KCNH8: variants seen among roughly 807,000 people sequenced by gnomAD.
KCNH8 encodes the protein voltage-gated delayed rectifier potassium channel KCNH8.
A neutral mutation model predicts 103.6 loss-of-function variants in KCNH8; 70 were observed. That is an observed-to-expected ratio of 0.68 (90% CI 0.56 to 0.82). The LOEUF is 0.82. KCNH8 is among the 40% of genes least tolerant of loss of function. The pLI is 0.00. For missense variants in KCNH8, 1,217 were observed against 1,329.9 expected (o/e 0.92, Z 1.32); for synonymous variants, 498 against 489.4 (o/e 1.02, Z -0.23).
At chr3:19,151,076 A>G (rs904998649) in intron 1 of KCNH8, among the ~76,000 whole-genome samples, 1 of 152,032 alleles carries the variant, frequency 6.6e-6, no homozygotes, top group African/African-American at 2.4e-5. Context: ...AATACCTTAA[A>G]CAAAATTTTA....
chr3:19,411,759 G>A (rs546747424), intron 7 of KCNH8, among the ~76,000 whole-genome samples: 35 of 150,190 alleles, frequency 2.3e-4, no homozygotes, highest in African/African-American at 7.8e-4. Context: ...CCCATTAACC[G>A]TAGCCACACA....
intron 1 of KCNH8, among the ~76,000 whole-genome samples, chr3:19,209,510 T>C (rs2063748834): frequency 6.6e-6 from 1 of 152,086 alleles, no homozygotes; most frequent in Non-Finnish European, 1.5e-5. Flanking sequence ...GGGATTTTCG[T>C]AGGGTTTCTA....
At chr3:19,343,291 T>G (rs2065686119) in intron 4 of KCNH8, among the ~76,000 whole-genome samples, 1 of 151,868 alleles carries the variant, frequency 6.6e-6, no homozygotes, top group South Asian at 2.1e-4. Flanking sequence ...TACAATAGAG[T>G]TGCTTTCTGA....
intron 11 of KCNH8, among the ~76,000 whole-genome samples, chr3:19,493,067 T>C (rs1487113022): frequency 3.3e-5 from 5 of 151,920 alleles, no homozygotes; most frequent in Non-Finnish European, 5.9e-5. Flanking sequence ...TTTTTGTACA[T>C]TGATTTTTGT....
At chr3:19,329,219 T>C (rs956139554) in intron 3 of KCNH8, among the ~76,000 whole-genome samples, 3 of 152,218 alleles carry the variant, frequency 2.0e-5, no homozygotes, top group African/African-American at 7.2e-5. Context: ...CTTGCAGCTC[T>C]TGTAAATGCT....
chr3:19,326,356 A>AATATATATATATATAT lies in KCNH8; in HGVS notation c.443-16219_443-16204dup, dbSNP rs34714826. 2.5e-3 allele frequency among the ~76,000 whole-genome samples: 333 copies of AATATATATATATATAT among 135,714 alleles called. 5 individuals carry two copies. The highest frequency in any genetic ancestry group is 8.1e-3 in the African/African-American group (292 of 35,890). The allele number at this position is 135,714 out of a possible 152,430, so 89.0% of individuals were successfully genotyped here. A position where few individuals can be genotyped will look rare whatever the true frequency, so the allele number is the denominator to read the frequency against. ...ACCCCTGAACTTACAATGAAAGTTA[A>AATATATATATATATAT]ATATATATATATATATATATATATA... is the stretch of plus-strand genomic sequence containing the variant. On this transcript the variant is annotated intron_variant, in intron 3 of 15. Transcript: ENST00000328405.
At chr3:19,229,762 C>G (rs1019320434) in intron 1 of KCNH8, among the ~76,000 whole-genome samples, 3 of 152,190 alleles carry the variant, frequency 2.0e-5, no homozygotes, top group Non-Finnish European at 4.4e-5. Flanking sequence ...ATACAAGTCT[C>G]TAGGAAGTTC....
chr3:19,282,530 A>C (rs1399466429), intron 3 of KCNH8, among the ~76,000 whole-genome samples: 1 of 152,206 alleles, frequency 6.6e-6, no homozygotes, highest in Non-Finnish European at 1.5e-5. Context: ...GTACATTCAC[A>C]AATATGTGTG....
At chr3:19,312,427 T>C (rs1335269217) in intron 3 of KCNH8, among the ~76,000 whole-genome samples, 1 of 151,904 alleles carries the variant, frequency 6.6e-6, no homozygotes, top group Non-Finnish European at 1.5e-5. Flanking sequence ...CCGTATAAGC[T>C]TGGGTAGTCC....
intron 11 of KCNH8, among the ~76,000 whole-genome samples, chr3:19,499,810 A>G (rs541736288): frequency 6.6e-6 from 1 of 151,820 alleles, no homozygotes; most frequent in Non-Finnish European, 1.5e-5. Flanking sequence ...GGAAAGAAAC[A>G]ACCGGTACCA....
chr3:19,486,860 T>A (rs1021268570), intron 11 of KCNH8, among the ~76,000 whole-genome samples: 2 of 152,198 alleles, frequency 1.3e-5, no homozygotes, highest in Non-Finnish European at 2.9e-5. Flanking sequence ...GATGACCTGC[T>A]TTCTTCCTGA....
intron 3 of KCNH8, among the ~76,000 whole-genome samples, chr3:19,341,592 C>T (rs946868121): frequency 1.3e-5 from 2 of 152,066 alleles, no homozygotes; most frequent in Non-Finnish European, 1.5e-5. Context: ...CCATTACTTT[C>T]GTATACAAAG....
At chr3:19,374,505 C>G (rs545636658) in intron 5 of KCNH8, among the ~76,000 whole-genome samples, 19 of 152,146 alleles carry the variant, frequency 1.2e-4, no homozygotes, top group Non-Finnish European at 2.4e-4. Context: ...AGTCTCTGCA[C>G]GTGAGATGGG....
At chr3:19,218,396 C>A (rs1414199145) in intron 1 of KCNH8, among the ~76,000 whole-genome samples, 1 of 152,198 alleles carries the variant, frequency 6.6e-6, no homozygotes, top group East Asian at 1.9e-4. Context: ...GCTTTCTTTG[C>A]TATACATGCT....
intron 3 of KCNH8, among the ~76,000 whole-genome samples, chr3:19,332,336 A>G (rs565733395): frequency 1.8e-4 from 28 of 152,294 alleles, no homozygotes; most frequent in Admixed American, 1.0e-3. Flanking sequence ...TAATGGAATA[A>G]TGCAATGTGT....
chr3:19,171,516 G>A (rs1192039849), intron 1 of KCNH8, among the ~76,000 whole-genome samples: 1 of 152,124 alleles, frequency 6.6e-6, no homozygotes, highest in African/African-American at 2.4e-5. Flanking sequence ...CATGGTGGAA[G>A]TATGTGGCTT....
intron 7 of KCNH8, among the ~76,000 whole-genome samples, chr3:19,411,023 A>C (rs923531921): frequency 6.6e-6 from 1 of 152,032 alleles, no homozygotes. Flanking sequence ...CTATGAATCT[A>C]GCACACCCTA....
chr3:19,369,099 T>A (rs1208622774), intron 5 of KCNH8, among the ~76,000 whole-genome samples: 1 of 152,012 alleles, frequency 6.6e-6, no homozygotes, highest in Non-Finnish European at 1.5e-5. Flanking sequence ...CTTTGTTTTT[T>A]AAAGGAAATA....
chr3:19,455,352 G>GT (rs1559335480), intron 10 of KCNH8, among the ~76,000 whole-genome samples: 1 of 152,054 alleles, frequency 6.6e-6, no homozygotes, highest in African/African-American at 2.4e-5. Context: ...ATAACTAAAC[G>GT]TAAGTTATAG....
Sources: allele counts gnomAD v4.1 joint callset (sites outside exome capture counted in the v4.1 genomes callset), GRCh38; gene constraint gnomAD v4.1.1; transcripts MANE v1.5; gene names NCBI Gene and HGNC (gene_info 2026-07-23, HGNC 2026-07-21).